Variants in NFU1 observed in about 807,000 individuals in gnomAD.
NFU1 encodes NFU1 iron-sulfur cluster scaffold.
Under a neutral mutation model 32.2 loss-of-function variants are expected in NFU1, and 30 were observed. The observed-to-expected ratio is 0.93, with a 90% confidence interval of 0.70 to 1.26. The LOEUF is 1.26. NFU1 is among the 50% of genes most tolerant of loss of function. NFU1 has a pLI of 0.00. For synonymous variants in NFU1, 112 were observed against 104.6 expected (o/e 1.07, Z -0.43); for missense variants, 306 against 306.6 (o/e 1.00, Z 0.02).
chr2:69,421,305 C>G (rs187905258), intron 3 of NFU1, among the ~76,000 whole-genome samples: 1 of 151,826 alleles, frequency 6.6e-6, no homozygotes, highest in Non-Finnish European at 1.5e-5. Context: ...AAAAAAAGTA[C>G]CTATTAATTA....
intron 7 of NFU1, chr2:69,399,210 C>CA (rs752746093): frequency 0.061 from 12,186 of 200,366 alleles, 186 homozygotes; most frequent in African/African-American, 0.14. Context: ...ATTCTGTCTC[C>CA]AAAAAAAAAA....
chr2:69,437,657 C>G (rs767846644), upstream of NFU1: 1 of 626,952 alleles, frequency 1.6e-6, no homozygotes, highest in African/African-American at 1.8e-5. Context: ...TTAATTCACG[C>G]AGCACTGTGA....
chr2:69,423,243 AGTGTGTGTGTGTGTGTGTGTGTGT>A (rs772105664), intron 3 of NFU1, among the ~76,000 whole-genome samples: 3 of 88,034 alleles, frequency 3.4e-5, no homozygotes, highest in South Asian at 4.9e-4. Flanking sequence ...TCTCTGTGTG[AGTGTGTGTGTGTGTGTGTGTGTGT>A]GTGTGTGTGT....
At chr2:69,399,158 A>C in intron 7 of NFU1, 1 of 266,622 alleles carries the variant, frequency 3.8e-6, no homozygotes, top group Non-Finnish European at 7.5e-6. Context: ...CAGTGAGCCG[A>C]GATAGCGTGT....
chr2:69,424,198 A>AATATAT (rs1177261342), intron 2 of NFU1, among the ~76,000 whole-genome samples: 63 of 74,532 alleles, frequency 8.5e-4, no homozygotes, highest in African/African-American at 2.9e-3. Context: ...AAAAAAAAAA[A>AATATAT]ATATATATAT....
chr2:69,406,469 C>T (rs1672698681), intron 5 of NFU1, among the ~76,000 whole-genome samples: 1 of 152,180 alleles, frequency 6.6e-6, no homozygotes, highest in Non-Finnish European at 1.5e-5. Flanking sequence ...GGCACACCTA[C>T]TTTGTAAGTT....
chr2:69,409,174 A>T (rs1321774753), intron 5 of NFU1, among the ~76,000 whole-genome samples: 3 of 152,172 alleles, frequency 2.0e-5, no homozygotes, highest in Non-Finnish European at 4.4e-5. Context: ...AGTAGATACA[A>T]ATTACTCTAA....
At chr2:69,414,819 A>G (rs2104770334) in intron 5 of NFU1, among the ~76,000 whole-genome samples, 1 of 152,126 alleles carries the variant, frequency 6.6e-6, no homozygotes, top group African/African-American at 2.4e-5. Flanking sequence ...ATATTCTGAC[A>G]CTGTATGTTT....
chr2:69,431,533 C>G (rs780737014), intron 2 of NFU1, among the ~76,000 whole-genome samples: 8 of 152,174 alleles, frequency 5.3e-5, no homozygotes, highest in Non-Finnish European at 8.8e-5. Context: ...TCTCAAACTC[C>G]TGGGCTCAAG....
At position 69,433,947 on chromosome 2, in the gene NFU1, T is replaced by TG. The variant is rs1345494299; in HGVS notation, c.63-1943_63-1942insC. 8.6e-5 allele frequency among the ~76,000 whole-genome samples: 13 copies of TG among 151,220 alleles called. No individual in the cohort carries two copies. In the East Asian group the frequency reaches 2.0e-3, roughly 23 times the overall value. ...TGCCACCATGCCCAGCTAGTTTTTT[T>TG]TTTTTTTTTTACTTCTGGTAGAGAT... is the stretch of plus-strand genomic sequence containing the variant. On this transcript the variant is annotated intron_variant, in intron 1 of 7. Transcript: ENST00000410022.
At chr2:69,429,758 G>A (rs781297772) in intron 2 of NFU1, 4 of 154,866 alleles carry the variant, frequency 2.6e-5, no homozygotes, top group Non-Finnish European at 4.3e-5. Context: ...GCTGGGCACG[G>A]TGGCTCACGC....
intron 5 of NFU1, among the ~76,000 whole-genome samples, chr2:69,413,246 T>C (rs6546515): frequency 0.66 from 97,814 of 149,010 alleles, 33,361 homozygotes; most frequent in African/African-American, 0.86. Context: ...GATCGCGCCA[T>C]TGCACTCCAG....
At chr2:69,410,995 T>C (rs2104761185) in intron 5 of NFU1, 1 of 152,114 alleles carries the variant, frequency 6.6e-6, no homozygotes, top group East Asian at 1.9e-4. Flanking sequence ...ACTATACTAA[T>C]TGTTACAGAG....
chr2:69,437,772 C>A (rs1196099498), upstream of NFU1: 25 of 436,726 alleles, frequency 5.7e-5, 1 homozygote, highest in South Asian at 4.3e-4. Context: ...CTGACCCATT[C>A]CCTCCTCTAG....
At chr2:69,421,366 C>T (rs1032870637) in intron 3 of NFU1, among the ~76,000 whole-genome samples, 2 of 151,780 alleles carry the variant, frequency 1.3e-5, no homozygotes, top group Admixed American at 1.3e-4. Flanking sequence ...GTTCCTTAAA[C>T]GAGACATATA....
At position 69,437,313 on chromosome 2, in the gene NFU1, G is replaced by C. The variant is rs1212640919; in HGVS notation, c.62+48C>G. 5.1e-6 allele frequency: 8 copies of C among 1,579,396 alleles called. No individual in the cohort carries two copies. In the South Asian group the frequency reaches 6.8e-5, roughly 14 times the overall value. On this transcript the variant is annotated intron_variant, in intron 1 of 7. Coordinates refer to ENST00000410022, the MANE Select transcript of NFU1 (RefSeq NM_001002755.4). ...CTGCAAGGCGGCGACCGCTCCGCTG[G>C]CTAAGCCCAGCGGCACACCTATTCG...
chr2:69,419,483 C>T, intron 4 of NFU1, 55 bp downstream of exon 4: 3 of 916,814 alleles, frequency 3.3e-6, no homozygotes, highest in Non-Finnish European at 5.2e-6. Context: ...AGGCATTGGA[C>T]TCAGAAAAAA....
chr2:69,438,296 A>C (rs1673927072), upstream of NFU1, among the ~76,000 whole-genome samples: 1 of 150,692 alleles, frequency 6.6e-6, no homozygotes, highest in Non-Finnish European at 1.5e-5. Context: ...TCTGTTGCCC[A>C]GGCTGGAGAG....
At chr2:69,418,329 G>A (rs1673124148) in intron 4 of NFU1, among the ~76,000 whole-genome samples, 2 of 152,162 alleles carry the variant, frequency 1.3e-5, no homozygotes, top group South Asian at 4.1e-4. Context: ...AAGCTCAAGA[G>A]GCTTAGGCTG....
Sources: gnomAD v4.1 joint callset for allele counts (sites outside exome capture counted in the v4.1 genomes callset) on GRCh38, gnomAD v4.1.1 for gene constraint, MANE v1.5 for transcripts, NCBI Gene and HGNC (gene_info 2026-07-23, HGNC 2026-07-21) for gene names.